DNAJB14: variants seen among roughly 807,000 people sequenced by gnomAD.
The protein encoded by DNAJB14 is DnaJ heat shock protein family (Hsp40) member B14, also known as dnaJ homolog subfamily B member 14.
In DNAJB14, 22 loss-of-function variants were observed where a neutral mutation model predicts 48.4. The observed-to-expected ratio is 0.45, with a 90% CI of 0.32 to 0.65. The LOEUF is 0.65. DNAJB14 is among the 30% of genes least tolerant of loss of function. DNAJB14 has a pLI of 0.03. For synonymous variants in DNAJB14, 142 were observed against 158.7 expected, an observed-to-expected ratio of 0.89 and a Z score of 0.79; for missense variants, 319 against 458.8, an observed-to-expected ratio of 0.70 and a Z score of 2.78.
chr4:99,918,943 A>G (rs1725953264), intron 3 of DNAJB14, among the ~76,000 whole-genome samples: 1 of 152,170 alleles, frequency 6.6e-6, no homozygotes, highest in Non-Finnish European at 1.5e-5. Flanking sequence ...CCCAGCATAA[A>G]TGAAAGTCTA....
intron 3 of DNAJB14, among the ~76,000 whole-genome samples, chr4:99,920,121 T>A (rs1726000878): frequency 6.6e-6 from 1 of 152,220 alleles, no homozygotes; most frequent in Non-Finnish European, 1.5e-5. Flanking sequence ...AACTATTTGA[T>A]GAGATTTTTA....
At chr4:99,929,447 C>G (rs186870962) in intron 2 of DNAJB14, 1 of 152,120 alleles carries the variant, frequency 6.6e-6, no homozygotes, top group East Asian at 1.9e-4. Flanking sequence ...TACAATCAAG[C>G]TTTAGCATTT....
At chr4:99,902,258 T>C (rs1357359887) in intron 7 of DNAJB14, among the ~76,000 whole-genome samples, 3 of 152,052 alleles carry the variant, frequency 2.0e-5, no homozygotes, top group African/African-American at 4.8e-5. Context: ...GTGGGGGGTC[T>C]GTGCATTGTA....
At chr4:99,905,019 GCTT>G (rs1039786958) in intron 6 of DNAJB14, among the ~76,000 whole-genome samples, 5 of 151,312 alleles carry the variant, frequency 3.3e-5, no homozygotes, top group South Asian at 2.1e-4. Context: ...TTCTTTATAT[GCTT>G]CTTATTTATT....
At chr4:99,929,341 C>T (rs1411964015) in intron 2 of DNAJB14, 5 of 152,218 alleles carry the variant, frequency 3.3e-5, no homozygotes, top group African/African-American at 7.2e-5. Context: ...GATCTGCCCG[C>T]CTTGGCCTCC....
rs1193061962 is a variant in DNAJB14, at chr4:99,898,329, T to C, written c.*2699A>G. On this transcript the variant is annotated 3_prime_UTR_variant, in exon 8 of 8. Transcript: ENST00000442697. ...GTAATGATTATGAAACAAATACTTATTTAGGTGTTCAAATGTAATCTGTTT... is the reference window on the plus strand; with the variant it reads ...GTAATGATTATGAAACAAATACTTACTTAGGTGTTCAAATGTAATCTGTTT... 1 of 152,018 alleles carries C rather than the reference T, an allele frequency of 6.6e-6. No homozygotes were observed. The highest frequency in any genetic ancestry group is 2.4e-5 in the African/African-American group (1 of 41,448). The allele number at this position is 152,018 out of a possible 1,614,324, so 9.4% of individuals were successfully genotyped here. A position where few individuals can be genotyped will look rare whatever the true frequency, so the allele number is the denominator to read the frequency against.
intron 1 of DNAJB14, among the ~76,000 whole-genome samples, chr4:99,944,572 C>CTTTTTTTTTTTTTTTTTTTTT (rs529320514): frequency 7.1e-6 from 1 of 141,008 alleles, no homozygotes; most frequent in Non-Finnish European, 1.6e-5. Context: ...TTTTTTTGGT[C>CTTTTTTTTTTTTTTTTTTTTT]TTTTTTTTTT....
At chr4:99,908,942 A>G in intron 3 of DNAJB14, 46 bp from the exon 4 acceptor site, 2 of 1,362,546 alleles carry the variant, frequency 1.5e-6, no homozygotes, top group Non-Finnish European at 2.0e-6. Context: ...TTTTTATATT[A>G]TAAAAGGCTG....
At chr4:99,921,264 A>C (rs1483986434) in intron 3 of DNAJB14, among the ~76,000 whole-genome samples, 1 of 152,204 alleles carries the variant, frequency 6.6e-6, no homozygotes, top group Non-Finnish European at 1.5e-5. Flanking sequence ...TCCTCTCCTC[A>C]GATATAAATC....
chr4:99,906,165 T>A (rs1350780251), intron 5 of DNAJB14: 1 of 1,327,870 alleles, frequency 7.5e-7, no homozygotes, highest in South Asian at 1.2e-5. Context: ...TATAGGCAAT[T>A]AGGTATAACT....
chr4:99,906,665 A>G, intron 4 of DNAJB14, 54 bp from the exon 5 acceptor site: 4 of 1,397,600 alleles, frequency 2.9e-6, no homozygotes, highest in Non-Finnish European at 4.0e-6. Context: ...ATCAGAAAAA[A>G]TACATTTTCT....
At chr4:99,927,476 G>A (rs933681220) in intron 2 of DNAJB14, 1 of 152,126 alleles carries the variant, frequency 6.6e-6, no homozygotes, top group Non-Finnish European at 1.5e-5. Flanking sequence ...ATTAACAGTT[G>A]TACAGTGTTT....
intron 1 of DNAJB14, among the ~76,000 whole-genome samples, chr4:99,945,795 C>T (rs1228235125): frequency 6.6e-6 from 1 of 152,182 alleles, no homozygotes; most frequent in Non-Finnish European, 1.5e-5. Context: ...AAACCCAGTA[C>T]CATATTCCTC....
intron 3 of DNAJB14, among the ~76,000 whole-genome samples, chr4:99,910,684 C>A (rs115874563): frequency 0.011 from 1,700 of 151,938 alleles, 38 homozygotes; most frequent in African/African-American, 0.038. Flanking sequence ...AATTTCTATT[C>A]ATTTACTTTG....
At chr4:99,924,877 G>T in intron 2 of DNAJB14, 1 of 1,252,482 alleles carries the variant, frequency 8.0e-7, no homozygotes. Flanking sequence ...TTCAACTGTA[G>T]ATTTTGCCTC....
chr4:99,937,496 G>T lies in DNAJB14; in HGVS notation c.134-6875C>A, dbSNP rs75904164. 3.5e-4 allele frequency among the ~76,000 whole-genome samples: 53 copies of T among 152,070 alleles called. No individual in the cohort carries two copies. The East Asian group carries it at 0.01, about 29-fold the overall frequency. On this transcript the variant is annotated intron_variant, in intron 1 of 7. Transcript: ENST00000442697. ...TCCCAGCACTTTGGGATGCCAAGGTGGGCTGATCACTTGAGCCCAGGGAGT... is the reference window on the plus strand; with the variant it reads ...TCCCAGCACTTTGGGATGCCAAGGTTGGCTGATCACTTGAGCCCAGGGAGT...
In DNAJB14 at chr4:99,900,587, A is replaced by G. The variant is rs1483482807; in HGVS notation, c.*441T>C. On this transcript the variant is annotated 3_prime_UTR_variant, in exon 8 of 8. Transcript: ENST00000442697. ...TTGATAAGGAAAATGTAAATGTGTC[A>G]TATAACATTTATTCCATCAATTTAA... 1 of 152,894 alleles carries G rather than the reference A, an allele frequency of 6.5e-6. No homozygotes were observed. The highest frequency in any genetic ancestry group is 1.5e-5 in the Non-Finnish European group (1 of 68,228). 9.5% of individuals were successfully genotyped at this position (152,894 alleles called of 1,614,324 possible).
At chr4:99,917,025 C>T (rs1321104635) in intron 3 of DNAJB14, among the ~76,000 whole-genome samples, 1 of 152,076 alleles carries the variant, frequency 6.6e-6, no homozygotes, top group Non-Finnish European at 1.5e-5. Flanking sequence ...ATCCCAGCTA[C>T]TCGGGAGGCT....
At chr4:99,934,819 A>AAAAAAAAAAAAAAAAAT (rs1726611544) in intron 1 of DNAJB14, among the ~76,000 whole-genome samples, 1 of 133,040 alleles carries the variant, frequency 7.5e-6, no homozygotes, top group Non-Finnish European at 1.6e-5. Flanking sequence ...AAAAAAAAAA[A>AAAAAAAAAAAAAAAAAT]GAAAAGAAAA....
Sources: gnomAD v4.1 joint callset for allele counts (sites outside exome capture counted in the v4.1 genomes callset) on GRCh38, gnomAD v4.1.1 for gene constraint, MANE v1.5 for transcripts, NCBI Gene and HGNC (gene_info 2026-07-23, HGNC 2026-07-21) for gene names.